Variants in BEND4 observed in about 807,000 individuals in gnomAD.
The protein encoded by BEND4 is BEN domain containing 4, also known as BEN domain-containing protein 4.
BEND4 carries 27 observed loss-of-function variants against 54.7 expected under a neutral mutation model. The ratio of observed to expected loss-of-function variants is 0.49; its 90% confidence interval spans 0.36 to 0.68. The LOEUF (loss-of-function observed/expected upper bound fraction) is 0.68, where lower values mean the gene tolerates loss of function less well. BEND4 is among the 30% of genes least tolerant of loss of function. The pLI, the probability that BEND4 is intolerant of heterozygous loss-of-function variation, is 0.00. For synonymous variants in BEND4, 327 were observed against 299.5 expected, an observed-to-expected ratio of 1.09 and a Z score of -0.95; for missense variants, 702 against 697.2, an observed-to-expected ratio of 1.01 and a Z score of -0.08.
chr4:42,145,742 G>A (rs1013881736), intron 2 of BEND4, among the ~76,000 whole-genome samples: 1 of 151,366 alleles, frequency 6.6e-6, no homozygotes, highest in Non-Finnish European at 1.5e-5. Context: ...CACAGTGTTT[G>A]GCACATAGGA....
intron 4 of BEND4, among the ~76,000 whole-genome samples, chr4:42,124,317 T>C (rs982371528): frequency 6.6e-6 from 1 of 152,158 alleles, no homozygotes; most frequent in Non-Finnish European, 1.5e-5. Flanking sequence ...CATGCCACTA[T>C]ACTCAAGCTT....
At chr4:42,142,210 G>A (rs1163438217) in intron 3 of BEND4, among the ~76,000 whole-genome samples, 1 of 151,322 alleles carries the variant, frequency 6.6e-6, no homozygotes, top group Non-Finnish European at 1.5e-5. Flanking sequence ...CCGGCCTCAA[G>A]CTTAAACACT....
intron 3 of BEND4, among the ~76,000 whole-genome samples, chr4:42,139,249 A>T (rs1210802432): frequency 6.6e-6 from 1 of 152,202 alleles, no homozygotes; most frequent in Non-Finnish European, 1.5e-5. Flanking sequence ...ATACAAAAGA[A>T]AATGTGCTAA....
chr4:42,125,745 G>A, intron 3 of BEND4, 71 bp from the exon 4 acceptor site: 1 of 824,198 alleles, frequency 1.2e-6, no homozygotes, highest in Non-Finnish European at 1.8e-6. Flanking sequence ...ATTTTTTAAA[G>A]TTTTTTTTTT....
At chr4:42,144,855 A>G (rs942358697) in intron 2 of BEND4, among the ~76,000 whole-genome samples, 2 of 152,244 alleles carry the variant, frequency 1.3e-5, no homozygotes, top group African/African-American at 4.8e-5. Flanking sequence ...ATGTAATTTA[A>G]TGATATCGAA....
intron 5 of BEND4, among the ~76,000 whole-genome samples, chr4:42,119,366 T>C (rs1327899841): frequency 6.6e-6 from 1 of 152,204 alleles, no homozygotes; most frequent in East Asian, 1.9e-4. Flanking sequence ...CAATGTTTTG[T>C]TGGCACTATA....
In BEND4 at chr4:42,117,445, G is replaced by GT. The variant is rs1412312718; in HGVS notation, c.*72_*73insA. ...CAGAATGACAGGCTTTGGACTCTCA[G>GT]GTGACAGGAACAGGACATTCACAAT... On this transcript the variant is annotated 3_prime_UTR_variant, in exon 6 of 6. Transcript: ENST00000502486. 2.8e-5 allele frequency: 30 copies of GT among 1,060,948 alleles called. No individual in the cohort carries two copies. In the African/African-American group the frequency reaches 4.3e-4, roughly 15 times the overall value. The allele number at this position is 1,060,948 out of a possible 1,614,324, so 65.7% of individuals were successfully genotyped here. A position where few individuals can be genotyped will look rare whatever the true frequency, so the allele number is the denominator to read the frequency against.
At chr4:42,140,011 A>G (rs940580212) in intron 3 of BEND4, among the ~76,000 whole-genome samples, 3 of 152,236 alleles carry the variant, frequency 2.0e-5, no homozygotes, top group Non-Finnish European at 2.9e-5. Flanking sequence ...ATGCACAGCT[A>G]ATCAAGTAAA....
chr4:42,126,276 T>A lies in BEND4; in HGVS notation c.1055-602A>T, dbSNP rs374837099. 1.6e-4 allele frequency among the ~76,000 whole-genome samples: 24 copies of A among 152,342 alleles called. No individual in the cohort carries two copies. The Middle Eastern group carries it at 0.01, about 65-fold the overall frequency. On this transcript the variant is annotated intron_variant, in intron 3 of 5. Coordinates refer to ENST00000502486, the MANE Select transcript of BEND4 (RefSeq NM_207406.4). ...ACAAAGAACTCACAGAAGAGACATG[T>A]CTTGACTTATTTGACTCAGGTTGCA... is the stretch of plus-strand genomic sequence containing the variant.
In BEND4 at chr4:42,135,796, T is replaced by C. The variant is rs147511231; in HGVS notation, c.1054+7632A>G. ...TCTAAAAAAACCAACCAAACAAACA[T>C]ACAAAAAAAACATTCCTAGAGTATT... On this transcript the variant is annotated intron_variant, in intron 3 of 5. Transcript: ENST00000502486. Among the ~76,000 whole-genome samples, 750 of 151,212 alleles carry C rather than the reference T, an allele frequency of 5.0e-3. 3 individuals carry two copies. Among genetic ancestry groups the C allele is most frequent in the African/African-American group, 0.018 (722 of 40,994 alleles).
In BEND4 at chr4:42,143,833, T is replaced by C. The variant is rs747830287; in HGVS notation, c.649A>G (p.Ile217Val). 5 of 1,578,080 alleles carry C rather than the reference T, an allele frequency of 3.2e-6. No homozygotes were observed. Among genetic ancestry groups the C allele is most frequent in the African/African-American group, 1.4e-5 (1 of 74,044 alleles). ...GTCTGACTGTGGACCCCTTTCCCAA[T>C]GTGACAGTGCTCCTGTCTTTCGTTG... ...SYNERQEHCH[I>V]GKGVHSQTSD... The change falls in exon 3 of 6, where the codon ATT (isoleucine) becomes GTT (valine). Residue 217 changes from isoleucine (I) to valine (V), a missense_variant. Physicochemically the swap from Ile to Val is conservative, Grantham distance 29. Coordinates refer to ENST00000502486, the MANE Select transcript of BEND4 (RefSeq NM_207406.4).
intron 3 of BEND4, among the ~76,000 whole-genome samples, chr4:42,132,061 G>GCC (rs1365051626): frequency 4.5e-4 from 69 of 152,350 alleles, no homozygotes; most frequent in African/African-American, 1.6e-3. Flanking sequence ...GGTGCGTCTA[G>GCC]AAAAGTGGGA....
At position 42,152,019 on chromosome 4, in the gene BEND4, T is replaced by A; in HGVS notation, c.125A>T (p.Glu42Val). The part of the protein sequence containing the change: ...SKRPALAKRY[E>V]RPTLVELPHV... The stretch of plus-strand genomic sequence containing the variant: ...CGGCAGCTCCACCAGGGTGGGTCGC[T>A]CGTAGCGCTTGGCCAGCGCCGGTCT... The change falls in exon 2 of 6, where the codon GAG becomes GTG. Residue 42 changes from glutamate to valine, a missense_variant. Physicochemically the swap from Glu to Val is moderately radical, Grantham distance 121 (BLOSUM62 -2). Transcript: ENST00000502486. The A allele has an allele frequency of 4.8e-6, 6 of 1,252,822 alleles. No homozygotes were observed. The highest frequency in any genetic ancestry group is 6.0e-6 in the Non-Finnish European group (6 of 992,674). 77.6% of individuals were successfully genotyped at this position (1,252,822 alleles called of 1,614,324 possible).
At position 42,117,356 on chromosome 4, in the gene BEND4, C is replaced by T; in HGVS notation, c.*162G>A. 8.5e-6 allele frequency: 5 copies of T among 586,394 alleles called. No individual in the cohort carries two copies. In the South Asian group the frequency reaches 1.2e-4, roughly 14 times the overall value. The allele number at this position is 586,394 out of a possible 1,614,324, so 36.3% of individuals were successfully genotyped here. On this transcript the variant is annotated 3_prime_UTR_variant, in exon 6 of 6. Transcript: ENST00000502486. ...GTCTGTTGTAGGTGCCACAGACTTCCCAAACAACCCTAAAATGGATTTCTA... is the reference window on the plus strand; with the variant it reads ...GTCTGTTGTAGGTGCCACAGACTTCTCAAACAACCCTAAAATGGATTTCTA...
chr4:42,143,518 A>G lies in BEND4; in HGVS notation c.964T>C (p.Tyr322His). 1 of 1,553,280 alleles carries G rather than the reference A, an allele frequency of 6.4e-7. No homozygotes were observed. Among genetic ancestry groups the G allele is most frequent in the Non-Finnish European group, 8.7e-7 (1 of 1,147,676 alleles). ...TCCAGCTCTTGGCATCGAGGACAATAGCCTTCCTCGTCCTCCTCCTCCTCC... is the reference window on the plus strand; with the variant it reads ...TCCAGCTCTTGGCATCGAGGACAATGGCCTTCCTCGTCCTCCTCCTCCTCC... ...EEEEEEDEEG[Y>H]CPRCQELEQE... Residue 322 changes from tyrosine to histidine, a missense_variant, in exon 3 of 6, where the codon TAT becomes CAT. Physicochemically the swap from Tyr to His is moderately conservative, Grantham distance 83. Transcript: ENST00000502486.
rs1297130313 is a variant in BEND4, at chr4:42,114,545, G to A, written c.*2973C>T. 2 of 152,166 alleles carry A rather than the reference G, an allele frequency of 1.3e-5. No homozygotes were observed. The highest frequency in any genetic ancestry group is 2.9e-5 in the Non-Finnish European group (2 of 68,042). The allele number at this position is 152,166 out of a possible 1,614,324, so 9.4% of individuals were successfully genotyped here. A position where few individuals can be genotyped will look rare whatever the true frequency, so the allele number is the denominator to read the frequency against. ...TGACTCAAGAAGGACTCTAAAAGCT[G>A]ACATGACTAAGTTTCTTGTGAGAGC... On this transcript the variant is annotated 3_prime_UTR_variant, in exon 6 of 6. Transcript: ENST00000502486.
At chr4:42,145,844 A>T (rs1489304049) in intron 2 of BEND4, among the ~76,000 whole-genome samples, 1 of 152,194 alleles carries the variant, frequency 6.6e-6, no homozygotes, top group Non-Finnish European at 1.5e-5. Flanking sequence ...AGAGGATCAT[A>T]AACTGCACTG....
intron 2 of BEND4, among the ~76,000 whole-genome samples, chr4:42,149,214 G>A (rs1721179100): frequency 9.2e-6 from 1 of 108,534 alleles, no homozygotes; most frequent in Non-Finnish European, 1.7e-5. Flanking sequence ...CACCCAGTAT[G>A]CTTAAATGGC....
rs569108834 is a variant in BEND4 at position 42,151,876 on chromosome 4, G to A, written c.268C>T (p.Pro90Ser). 6.9e-6 allele frequency: 9 copies of A among 1,306,700 alleles called. No individual in the cohort carries two copies. In the South Asian group the frequency reaches 1.7e-4, roughly 25 times the overall value. The allele number at this position is 1,306,700 out of a possible 1,614,324, so 80.9% of individuals were successfully genotyped here. Reference sequence around the variant, plus strand: ...GAAGCGGCGGCGGCGGCCCGGCCGGGCCCGGGGGGGTAGGAGCTCTGCGCC... The same window carrying A: ...GAAGCGGCGGCGGCGGCCCGGCCGGACCCGGGGGGGTAGGAGCTCTGCGCC... ...FQAQSSYPPG[P>S]GRAAAAASSS... Residue 90 changes from proline (P) to serine (S), a missense_variant, in exon 2 of 6, where the codon CCC becomes TCC. Physicochemically the swap from Pro to Ser is moderately conservative, Grantham distance 74. Coordinates refer to ENST00000502486, the MANE Select transcript of BEND4 (RefSeq NM_207406.4).
Sources: gnomAD v4.1 joint callset for allele counts (sites outside exome capture counted in the v4.1 genomes callset) on GRCh38, gnomAD v4.1.1 for gene constraint, MANE v1.5 for transcripts, NCBI Gene and HGNC (gene_info 2026-07-23, HGNC 2026-07-21) for gene names.